Variants in TRAIP observed in about 807,000 individuals in gnomAD.
The protein encoded by TRAIP is E3 ubiquitin-protein ligase TRAIP.
In TRAIP, 37 loss-of-function variants were observed where a neutral mutation model predicts 65.0. The observed-to-expected ratio is 0.57, with a 90% CI of 0.44 to 0.75. TRAIP has a LOEUF of 0.75. TRAIP is among the 30% of genes least tolerant of loss of function. The pLI is 0.00. For synonymous variants in TRAIP, 187 were observed against 219.1 expected, an observed-to-expected ratio of 0.85 and a Z score of 1.29; for missense variants, 481 against 579.4, an observed-to-expected ratio of 0.83 and a Z score of 1.74.
intron 3 of TRAIP, 110 bp from the exon 4 acceptor site, chr3:49,844,690 G>C: frequency 7.9e-7 from 1 of 1,265,304 alleles, no homozygotes; most frequent in Non-Finnish European, 1.1e-6. Context: ...GGCCTTCTAG[G>C]GCATGAATCC....
intron 10 of TRAIP, among the ~76,000 whole-genome samples, chr3:49,832,466 G>A (rs2081742738): frequency 6.7e-6 from 1 of 149,286 alleles, no homozygotes; most frequent in African/African-American, 2.5e-5. Flanking sequence ...CTCCAGCCTG[G>A]GCGACAGAGC....
In TRAIP at chr3:49,829,501, G is replaced by A; in HGVS notation, c.1244C>T (p.Thr415Ile). Residue 415 changes from threonine to isoleucine, a missense_variant, in exon 14 of 15, where the codon ACA becomes ATA. Thr to Ile is a moderately conservative substitution (Grantham distance 89). Transcript: ENST00000331456. ...CCGGCCACCGAGCCCATCGAAGCCT[G>A]TCCTTACCTAGGGTGGAAGGAAGAG... The part of the protein sequence containing the change: ...ESSCSKDVVR[T>I]GFDGLGGRTK... 1.2e-6 allele frequency: 2 copies of A among 1,614,206 alleles called. No homozygotes were observed. The highest frequency in any genetic ancestry group is 4.5e-5 in the East Asian group (2 of 44,882).
chr3:49,856,531 C>A lies in TRAIP; in HGVS notation c.-78G>T. On this transcript the variant is annotated 5_prime_UTR_variant, in exon 1 of 15. Coordinates refer to ENST00000331456, the MANE Select transcript of TRAIP (RefSeq NM_005879.3). ...CTTCGTAGACGCGCCCCCGCGCCTC[C>A]GCTTGCTTCAAATTTGGCTCCGCAG... The A allele has an allele frequency of 7.3e-7, 1 of 1,364,622 alleles. No individual in the cohort carries two copies. Among genetic ancestry groups the A allele is most frequent in the South Asian group, 1.3e-5 (1 of 78,846 alleles). The allele number at this position is 1,364,622 out of a possible 1,614,324, so 84.5% of individuals were successfully genotyped here.
At chr3:49,848,306 C>G (rs1258386760) in intron 1 of TRAIP, 106 bp from the exon 2 acceptor site, 26 of 1,216,454 alleles carry the variant, frequency 2.1e-5, no homozygotes, top group Non-Finnish European at 3.0e-5. Context: ...TCCTCCTTGA[C>G]CCAATGCCTG....
intron 1 of TRAIP, among the ~76,000 whole-genome samples, chr3:49,850,928 T>C (rs1383136722): frequency 6.6e-6 from 1 of 151,710 alleles, no homozygotes; most frequent in East Asian, 1.9e-4. Flanking sequence ...ATTACAGGCA[T>C]GAGCCACCAT....
chr3:49,847,923 C>T (rs1016251925), intron 2 of TRAIP, among the ~76,000 whole-genome samples: 1 of 152,170 alleles, frequency 6.6e-6, no homozygotes, highest in African/African-American at 2.4e-5. Context: ...CAAATCTACC[C>T]AAGTGAAAAC....
chr3:49,840,051 G>A (rs2081825408), intron 9 of TRAIP, among the ~76,000 whole-genome samples, 191 bp from the exon 10 acceptor site: 3 of 152,212 alleles, frequency 2.0e-5, no homozygotes, highest in Admixed American at 1.3e-4. Context: ...CCTCAGGGAT[G>A]TAAGTGCAGG....
At chr3:49,855,483 T>C (rs1224553350) in intron 1 of TRAIP, among the ~76,000 whole-genome samples, 27 of 151,984 alleles carry the variant, frequency 1.8e-4, no homozygotes, top group Non-Finnish European at 7.4e-5. Context: ...ATAAATAAAG[T>C]AAAAGGATAG....
At chr3:49,836,026 G>A (rs1210716647) in intron 10 of TRAIP, among the ~76,000 whole-genome samples, 1 of 151,428 alleles carries the variant, frequency 6.6e-6, no homozygotes, top group Non-Finnish European at 1.5e-5. Context: ...ACAGTAGCAC[G>A]ATTCTGGCTC....
In TRAIP at chr3:49,828,978, T is replaced by G; in HGVS notation, c.*125A>C. The G allele has an allele frequency of 7.4e-7, 1 of 1,353,710 alleles. No homozygotes were observed. The highest frequency in any genetic ancestry group is 1.0e-6 in the Non-Finnish European group (1 of 964,734). The allele number at this position is 1,353,710 out of a possible 1,614,324, so 83.9% of individuals were successfully genotyped here. A position where few individuals can be genotyped will look rare whatever the true frequency, so the allele number is the denominator to read the frequency against. ...TGGGTGCCACACTCACCCTCACCTGTTTGTCTGCCCTTACACCTCAGGCTG... is the reference window on the plus strand; with the variant it reads ...TGGGTGCCACACTCACCCTCACCTGGTTGTCTGCCCTTACACCTCAGGCTG... On this transcript the variant is annotated 3_prime_UTR_variant, in exon 15 of 15. Coordinates refer to ENST00000331456, the MANE Select transcript of TRAIP (RefSeq NM_005879.3).
chr3:49,841,870 C>A lies in TRAIP; in HGVS notation c.573G>T (p.Gln191His), dbSNP rs768498989. 3 of 1,614,252 alleles carry A rather than the reference C, an allele frequency of 1.9e-6. No individual in the cohort carries two copies. In the South Asian group the frequency reaches 3.3e-5, roughly 18 times the overall value. The change falls in exon 7 of 15, where the codon CAG (glutamine) becomes CAT (histidine). Residue 191 changes from glutamine to histidine, a missense_variant. By Grantham distance (24) the Gln-to-His change is conservative. Coordinates refer to ENST00000331456, the MANE Select transcript of TRAIP (RefSeq NM_005879.3). The part of the protein sequence containing the change: ...EEMIRDMGVG[Q>H]SAVEQLAVYC... The stretch of plus-strand genomic sequence containing the variant: ...ACACAGCCAGCTGTTCCACCGCTGA[C>A]TGTCCCACACCCATGTCTCGGATCA...
At position 49,851,700 on chromosome 3, in the gene TRAIP, C is replaced by A. The variant is rs1283431299; in HGVS notation, c.99-3500G>T. ...GCCATCATGCCTAGCCAAAAAAACACTTTTTTTTTTTTTTAAGACTGAGTC... is the reference window on the plus strand; with the variant it reads ...GCCATCATGCCTAGCCAAAAAAACAATTTTTTTTTTTTTTAAGACTGAGTC... On this transcript the variant is annotated intron_variant, in intron 1 of 14. Coordinates refer to ENST00000331456, the MANE Select transcript of TRAIP (RefSeq NM_005879.3). Among the ~76,000 whole-genome samples, 10 of 142,882 alleles carry A rather than the reference C, an allele frequency of 7.0e-5. No individual in the cohort carries two copies. The Admixed American group carries it at 7.1e-4, about 10-fold the overall frequency. The allele number at this position is 142,882 out of a possible 152,430, so 93.7% of individuals were successfully genotyped here. A position where few individuals can be genotyped will look rare whatever the true frequency, so the allele number is the denominator to read the frequency against.
chr3:49,829,076 T>C lies in TRAIP; in HGVS notation c.*27A>G, dbSNP rs762106837. 1.2e-6 allele frequency: 2 copies of C among 1,614,032 alleles called. No individual in the cohort carries two copies. The highest frequency in any genetic ancestry group is 2.7e-5 in the African/African-American group (2 of 74,936). On this transcript the variant is annotated 3_prime_UTR_variant, in exon 15 of 15. Transcript: ENST00000331456. ...TTGACCTACAAGTTGCAGGCATGTG[T>C]CTGGCCATTGGTCAGACTCACTGTT...
chr3:49,831,978 G>A lies in TRAIP; in HGVS notation c.975C>T (p.Pro325=). The A allele has an allele frequency of 1.9e-6, 3 of 1,607,164 alleles. No homozygotes were observed. Among genetic ancestry groups the A allele is most frequent in the African/African-American group, 1.3e-5 (1 of 74,676 alleles). ...DLNATFDVDT[P]PARPSSSQHG... ...GCTGGGAGCTGGAGGGCCGGGCTGG[G>A]GGAGTATCCACATCAAAGGTAGCAT... The change falls in exon 11 of 15, where the codon CCC becomes CCT. Residue 325 remains proline, a synonymous_variant. Transcript: ENST00000331456.
chr3:49,842,598 T>C (rs766755930), intron 5 of TRAIP, 51 bp from the exon 6 acceptor site: 1 of 1,545,544 alleles, frequency 6.5e-7, no homozygotes, highest in African/African-American at 1.4e-5. Context: ...TCAGGAGCCA[T>C]TGCTAAAGTC....
At chr3:49,850,202 C>G (rs1408120777) in intron 1 of TRAIP, among the ~76,000 whole-genome samples, 1 of 151,774 alleles carries the variant, frequency 6.6e-6, no homozygotes, top group Non-Finnish European at 1.5e-5. Context: ...TCTATTTACA[C>G]AGTTTAAAAG....
At chr3:49,844,708 C>T in intron 3 of TRAIP, 128 bp from the exon 4 acceptor site, 1 of 979,128 alleles carries the variant, frequency 1.0e-6, no homozygotes. Context: ...TCCTGCAGTG[C>T]CTCAAGGCCA....
intron 8 of TRAIP, among the ~76,000 whole-genome samples, 189 bp downstream of exon 8, chr3:49,840,796 C>T (rs2081832751): frequency 6.6e-6 from 1 of 152,188 alleles, no homozygotes; most frequent in South Asian, 2.1e-4. Flanking sequence ...GATCTGTCCA[C>T]CCCTAGTGGA....
At chr3:49,829,992 G>T in intron 12 of TRAIP, 28 bp downstream of exon 12, 1 of 1,613,974 alleles carries the variant, frequency 6.2e-7, no homozygotes. Flanking sequence ...CCAAAGGTTA[G>T]ACTGTGCTTC....
Sources: allele counts gnomAD v4.1 joint callset (sites outside exome capture counted in the v4.1 genomes callset), GRCh38; gene constraint gnomAD v4.1.1; transcripts MANE v1.5; gene names NCBI Gene and HGNC (gene_info 2026-07-23, HGNC 2026-07-21).